Variants in KL observed in about 807,000 individuals in gnomAD.
KL encodes alpha-klotho.
A neutral mutation model predicts 84.2 loss-of-function variants in KL; 62 were observed. The observed-to-expected ratio is 0.74, with a 90% confidence interval of 0.60 to 0.91. The LOEUF (loss-of-function observed/expected upper bound fraction) is 0.91. KL is among the 40% of genes least tolerant of loss of function. The pLI, the probability that KL is intolerant of heterozygous loss-of-function variation, is 0.00. For missense variants in KL, 1,261 were observed against 1,305.7 expected, an observed-to-expected ratio of 0.97 and a Z score of 0.53; for synonymous variants, 528 against 528.0, an observed-to-expected ratio of 1.00 and a Z score of 0.00.
intron 1 of KL, among the ~76,000 whole-genome samples, chr13:33,049,965 G>A (rs1871682541): frequency 6.6e-6 from 1 of 152,142 alleles, no homozygotes; most frequent in Admixed American, 6.5e-5. Context: ...AGATCAAAGT[G>A]CTACTAAACT....
intron 1 of KL, among the ~76,000 whole-genome samples, chr13:33,027,675 A>G (rs1431101552): frequency 6.6e-6 from 1 of 152,176 alleles, no homozygotes; most frequent in Admixed American, 6.5e-5. Flanking sequence ...CTACAATGAC[A>G]TTCTCCACCA....
chr13:33,059,699 C>G (rs559890503), intron 3 of KL, among the ~76,000 whole-genome samples: 5 of 152,302 alleles, frequency 3.3e-5, no homozygotes, highest in Admixed American at 2.6e-4. Flanking sequence ...TCTCAAACTC[C>G]TGATCTCATG....
rs753850299 is a variant in KL at position 33,017,121 on chromosome 13, C to G, written c.681C>G (p.Phe227Leu). ...ACGCGGAGCTCTGCTTCCGCCACTTCGGCGGTCAGGTCAAGTACTGGATCA... is the reference window on the plus strand; with the variant it reads ...ACGCGGAGCTCTGCTTCCGCCACTTGGGCGGTCAGGTCAAGTACTGGATCA... The part of the protein sequence containing the change: ...RDYAELCFRH[F>L]GGQVKYWITI... The change falls in exon 1 of 5, where the codon TTC (phenylalanine) becomes TTG (leucine). Residue 227 changes from phenylalanine (F) to leucine (L), a missense_variant. Phe to Leu is a conservative substitution (Grantham distance 22). Transcript: ENST00000380099. 4 of 1,604,278 alleles carry G rather than the reference C, an allele frequency of 2.5e-6. No individual in the cohort carries two copies. Among genetic ancestry groups the G allele is most frequent in the African/African-American group, 2.7e-5 (2 of 74,936 alleles).
In KL at chr13:33,016,890, C is replaced by A. The variant is rs764992732; in HGVS notation, c.450C>A (p.Ser150=). The stretch of plus-strand genomic sequence containing the variant: ...TCGGGGTCACTCACTACCGCTTCTC[C>A]ATCTCGTGGGCGCGAGTGCTCCCCA... ...RELGVTHYRF[S]ISWARVLPNG... is the part of the protein sequence containing the mutation. Residue 150 remains serine, a synonymous_variant, in exon 1 of 5, where the codon TCC becomes TCA. Coordinates refer to ENST00000380099, the MANE Select transcript of KL (RefSeq NM_004795.4). 7.6e-5 allele frequency: 123 copies of A among 1,612,386 alleles called. 1 individual carries two copies. Among genetic ancestry groups the A allele is most frequent in the Non-Finnish European group, 3.3e-5 (39 of 1,179,786 alleles).
chr13:33,052,579 T>G (rs764595197), intron 1 of KL, among the ~76,000 whole-genome samples: 36 of 152,348 alleles, frequency 2.4e-4, no homozygotes, highest in Middle Eastern at 6.8e-3. Context: ...ACTATCTTAT[T>G]TCATTGAAAT....
intron 1 of KL, among the ~76,000 whole-genome samples, chr13:33,043,995 T>C (rs1392007122): frequency 6.6e-6 from 1 of 152,224 alleles, no homozygotes; most frequent in Non-Finnish European, 1.5e-5. Context: ...GCTTTTAGCT[T>C]TGGATCTATG....
chr13:33,026,446 T>TC (rs1555333563), intron 1 of KL, among the ~76,000 whole-genome samples: 1 of 151,194 alleles, frequency 6.6e-6, no homozygotes, highest in Non-Finnish European at 1.5e-5. Flanking sequence ...AAGAATGGGG[T>TC]GGGGGGGTCA....
chr13:33,042,807 G>A (rs1025963823), intron 1 of KL, among the ~76,000 whole-genome samples: 3 of 151,936 alleles, frequency 2.0e-5, no homozygotes, highest in African/African-American at 2.4e-5. Flanking sequence ...TCAGCCTCCC[G>A]AGTACCTGGG....
At chr13:33,055,570 C>G (rs1380863000) in intron 3 of KL, among the ~76,000 whole-genome samples, 2 of 152,190 alleles carry the variant, frequency 1.3e-5, no homozygotes, top group Non-Finnish European at 2.9e-5. Flanking sequence ...CCGATTAAGA[C>G]AGTAAAAAGA....
intron 3 of KL, among the ~76,000 whole-genome samples, chr13:33,058,210 T>G (rs566231048): frequency 6.6e-6 from 1 of 152,328 alleles, no homozygotes; most frequent in African/African-American, 2.4e-5. Flanking sequence ...CATAACATAC[T>G]AAATACATGT....
intron 1 of KL, among the ~76,000 whole-genome samples, chr13:33,021,852 C>G (rs970825437): frequency 2.0e-5 from 3 of 152,134 alleles, no homozygotes; most frequent in African/African-American, 7.2e-5. Flanking sequence ...CCATTGCACT[C>G]CATCCTGAGC....
In KL at chr13:33,064,712, G is replaced by A. The variant is rs1872343845; in HGVS notation, c.*526G>A. 1 of 226,780 alleles carries A rather than the reference G, an allele frequency of 4.4e-6. No individual in the cohort carries two copies. The highest frequency in any genetic ancestry group is 2.2e-5 in the African/African-American group (1 of 44,886). The allele number at this position is 226,780 out of a possible 1,614,324, so 14.0% of individuals were successfully genotyped here. On this transcript the variant is annotated 3_prime_UTR_variant, in exon 5 of 5. Transcript: ENST00000380099. ...CAGGAGAGACGACAGAGGGTCCTAG[G>A]CTGGAATGTTCCTTTCGAAAGCAAT...
At chr13:33,060,392 A>C (rs1872129977) in intron 3 of KL, among the ~76,000 whole-genome samples, 1 of 152,238 alleles carries the variant, frequency 6.6e-6, no homozygotes, top group East Asian at 1.9e-4. Context: ...AGTAGTGTGC[A>C]AGACTCATTA....
rs147748913 is a variant in KL, at chr13:33,061,581, C to T, written c.2502C>T (p.Thr834=). 403 of 1,614,026 alleles carry T rather than the reference C, an allele frequency of 2.5e-4. 2 individuals carry two copies. The highest frequency in any genetic ancestry group is 3.7e-4 in the South Asian group (34 of 91,078). The part of the protein sequence containing the change: ...YNDYLEVQEM[T]DITWLNSPSQ... ...ATTACCTAGAAGTGCAAGAAATGAC[C>T]GACATCACGTGGCTCAACTCCCCCA... The change falls in exon 4 of 5, where the codon ACC becomes ACT. Residue 834 remains threonine, a synonymous_variant. Transcript: ENST00000380099.
Position 33,016,978 on chromosome 13 carries a change from CTG to C in KL, c.539_540del (p.Leu180ProfsTer154). The C allele has an allele frequency of 1.3e-6, 2 of 1,595,678 alleles. No individual in the cohort carries two copies. Among genetic ancestry groups the C allele is most frequent in the Non-Finnish European group, 1.7e-6 (2 of 1,173,718 alleles). ...LRYYRRLLER[L>X]RELGVQPVVT... ...CTACTACCGGCGCCTGCTGGAGCGG[CTG>C]CGGGAGCTGGGCGTGCAGCCCGTGG... On this transcript the variant is annotated frameshift_variant, in exon 1 of 5. Coordinates refer to ENST00000380099, the MANE Select transcript of KL (RefSeq NM_004795.4). LOFTEE classifies it high-confidence loss of function.
At chr13:33,025,504 T>A (rs201686070) in intron 1 of KL, among the ~76,000 whole-genome samples, 2 of 152,124 alleles carry the variant, frequency 1.3e-5, no homozygotes, top group Non-Finnish European at 1.5e-5. Context: ...CTAGGAAACA[T>A]CCCTTGCAAA....
chr13:33,016,533 G>C lies in KL; in HGVS notation c.93G>C (p.Leu31=), dbSNP rs1253424055. Residue 31 remains leucine, a synonymous_variant, in exon 1 of 5, where the codon CTG becomes CTC. Coordinates refer to ENST00000380099, the MANE Select transcript of KL (RefSeq NM_004795.4). ...TGCTGGGCCTGGGCGGCCGCCGCCT[G>C]CGTGCGGAGCCGGGCGACGGCGCGC... ...LVLLGLGGRR[L]RAEPGDGAQT... is the part of the protein sequence containing the mutation. The C allele has an allele frequency of 5.9e-6, 8 of 1,352,326 alleles. No homozygotes were observed. The highest frequency in any genetic ancestry group is 4.6e-5 in the African/African-American group (3 of 64,694). 83.8% of individuals were successfully genotyped at this position (1,352,326 alleles called of 1,614,324 possible).
intron 1 of KL, among the ~76,000 whole-genome samples, chr13:33,031,609 C>T (rs1323539986): frequency 6.6e-6 from 1 of 152,032 alleles, no homozygotes; most frequent in Admixed American, 6.6e-5. Context: ...TAAATAAGAA[C>T]AGACATTTCG....
intron 1 of KL, among the ~76,000 whole-genome samples, chr13:33,038,089 AT>A (rs1871205255): frequency 6.6e-6 from 1 of 152,206 alleles, no homozygotes; most frequent in Non-Finnish European, 1.5e-5. Flanking sequence ...ATTCTAATGC[AT>A]TCTGCAATGG....
Sources: allele counts gnomAD v4.1 joint callset (sites outside exome capture counted in the v4.1 genomes callset), GRCh38; gene constraint gnomAD v4.1.1; transcripts MANE v1.5; gene names NCBI Gene and HGNC (gene_info 2026-07-23, HGNC 2026-07-21).